The following RNF39 variants were observed in gnomAD, a reference collection of about 807,000 sequenced individuals.
The protein encoded by RNF39 is ring finger protein 39.
A neutral mutation model predicts 29.2 loss-of-function variants in RNF39; 25 were observed. The observed-to-expected ratio is 0.86, with a 90% CI of 0.62 to 1.20. The LOEUF is 1.20. RNF39 is among the 50% of genes most tolerant of loss of function. The pLI, the probability that RNF39 is intolerant of heterozygous loss-of-function variation, is 0.00. For missense variants in RNF39, 519 were observed against 515.0 expected (o/e 1.01, Z -0.08); for synonymous variants, 219 against 229.0 (o/e 0.96, Z 0.40).
chr6:30,071,256 C>G lies in RNF39; in HGVS notation c.914G>C (p.Arg305Pro), dbSNP rs779425781. The change falls in exon 4 of 4, where the codon CGG (arginine) becomes CCG (proline). Residue 305 changes from arginine to proline, a missense_variant. Coordinates refer to ENST00000244360, the MANE Select transcript of RNF39 (RefSeq NM_025236.4). The surrounding 1 kb of genome is among the most constrained non-coding windows in gnomAD (Gnocchi z 5.0). ...RRIRVDLDWERGRVAFYDGRS... is the reference protein window; with the variant it reads ...RRIRVDLDWEPGRVAFYDGRS... ...GCCGTCGTAGAAGGCCACGCGGCCC[C>G]GCTCCCAGTCCAGGTCCACGCGAAT... The G allele has an allele frequency of 2.0e-6, 3 of 1,511,800 alleles. No individual in the cohort carries two copies. Among genetic ancestry groups the G allele is most frequent in the Admixed American group, 2.3e-5 (1 of 43,628 alleles). 93.6% of individuals were successfully genotyped at this position (1,511,800 alleles called of 1,614,324 possible). A position where few individuals can be genotyped will look rare whatever the true frequency, so the allele number is the denominator to read the frequency against.
Position 30,070,430 on chromosome 6 carries a change from A to G in RNF39, c.*681T>C. The G allele has an allele frequency of 5.0e-6, 1 of 201,720 alleles. No individual in the cohort carries two copies. The highest frequency in any genetic ancestry group is 1.0e-5 in the Non-Finnish European group (1 of 97,596). The allele number at this position is 201,720 out of a possible 1,614,324, so 12.5% of individuals were successfully genotyped here. On this transcript the variant is annotated 3_prime_UTR_variant, in exon 4 of 4. Transcript: ENST00000244360. ...TGTCTGAAGTATTCCCAGGTTGAGGAGGAGAGAGGGGAAATAGCACCATTG... is the reference window on the plus strand; with the variant it reads ...TGTCTGAAGTATTCCCAGGTTGAGGGGGAGAGAGGGGAAATAGCACCATTG...
At chr6:30,073,899 T>A (rs1766197399) in intron 1 of RNF39, among the ~76,000 whole-genome samples, 1 of 152,134 alleles carries the variant, frequency 6.6e-6, no homozygotes, top group Non-Finnish European at 1.5e-5. Context: ...CAGAAAAACA[T>A]CTGTCCCTTC....
In RNF39 at chr6:30,071,267, C is replaced by T. The variant is rs1010175349; in HGVS notation, c.903G>A (p.Leu301=). 4 of 1,508,582 alleles carry T rather than the reference C, an allele frequency of 2.7e-6. No individual in the cohort carries two copies. Among genetic ancestry groups the T allele is most frequent in the Non-Finnish European group, 2.7e-6 (3 of 1,131,238 alleles). 93.4% of individuals were successfully genotyped at this position (1,508,582 alleles called of 1,614,324 possible). The change falls in exon 4 of 4, where the codon CTG becomes CTA. Residue 301 remains leucine (L), a synonymous_variant. Coordinates refer to ENST00000244360, the MANE Select transcript of RNF39 (RefSeq NM_025236.4). This position sits in a 1 kb window ranked among gnomAD's most constrained non-coding sequence, Gnocchi z 5.0. Reference sequence around the variant, plus strand: ...AGGCCACGCGGCCCCGCTCCCAGTCCAGGTCCACGCGAATGCGCCGCGGCG... The same window carrying T: ...AGGCCACGCGGCCCCGCTCCCAGTCTAGGTCCACGCGAATGCGCCGCGGCG... ...EPPPRRIRVD[L]DWERGRVAFY...
rs1468414757 is a variant in RNF39, at chr6:30,074,438, G to A, written c.363+785C>T. 6.6e-6 allele frequency among the ~76,000 whole-genome samples: 1 copy of A among 152,076 alleles called. No individual in the cohort carries two copies. Among genetic ancestry groups the A allele is most frequent in the South Asian group, 2.1e-4 (1 of 4,826 alleles). On this transcript the variant is annotated intron_variant, in intron 1 of 3. Transcript: ENST00000244360. The surrounding 1 kb of genome is among the most constrained non-coding windows in gnomAD (Gnocchi z 4.1). ...GGGCCCAGGAGAGGCGCGGGGGGTA[G>A]ATGGGTGGTAAGACTGGGATGTGGA... is the stretch of plus-strand genomic sequence containing the variant.
rs1476715144 is a variant in RNF39, at chr6:30,075,264, C to T, written c.322G>A (p.Gly108Arg). ...AGGCAGCCCATGGTGGGGATGCGCC[C>T]CCCTCGGCGTCTCCCCGCACGGGCC... is the stretch of plus-strand genomic sequence containing the variant. ...PGARAGRRRGGRIPTMGCLDL... is the reference protein window; with the variant it reads ...PGARAGRRRGRRIPTMGCLDL... Residue 108 changes from glycine to arginine, a missense_variant, in exon 1 of 4, where the codon GGG (glycine) becomes AGG (arginine). Physicochemically the swap from Gly to Arg is moderately radical, Grantham distance 125 (BLOSUM62 -2). Transcript: ENST00000244360. 5.0e-6 allele frequency: 8 copies of T among 1,599,238 alleles called. No homozygotes were observed. Among genetic ancestry groups the T allele is most frequent in the Admixed American group, 1.7e-5 (1 of 59,382 alleles).
intron 1 of RNF39, 68 bp downstream of exon 1, chr6:30,075,155 G>T (rs1582401035): frequency 5.5e-6 from 8 of 1,452,282 alleles, no homozygotes; most frequent in Non-Finnish European, 7.3e-6. Context: ...CTCCAGACGT[G>T]CCATTCCCGG....
rs1403143791 is a variant in RNF39, at chr6:30,075,389, C to T, written c.197G>A (p.Cys66Tyr). 1 of 1,566,832 alleles carries T rather than the reference C, an allele frequency of 6.4e-7. No individual in the cohort carries two copies. Among genetic ancestry groups the T allele is most frequent in the Non-Finnish European group, 8.6e-7 (1 of 1,159,712 alleles). The change falls in exon 1 of 4, where the codon TGC (cysteine) becomes TAC (tyrosine). Residue 66 changes from cysteine to tyrosine, a missense_variant. Cys to Tyr is a radical substitution (Grantham distance 194). Transcript: ENST00000244360. ...TEASPTACPC[C>Y]GLPCPRRSLR... ...GCTGCGGCGGGGACACGGCAGGCCG[C>T]AGCAGGGACAGGCGGTGGGGGAAGC...
In RNF39 at chr6:30,071,263, A is replaced by G; in HGVS notation, c.907T>C (p.Trp303Arg). 1 of 1,508,856 alleles carries G rather than the reference A, an allele frequency of 6.6e-7. No individual in the cohort carries two copies. 93.5% of individuals were successfully genotyped at this position (1,508,856 alleles called of 1,614,324 possible). The change falls in exon 4 of 4, where the codon TGG becomes CGG. Residue 303 changes from tryptophan (W) to arginine (R), a missense_variant. Coordinates refer to ENST00000244360, the MANE Select transcript of RNF39 (RefSeq NM_025236.4). This position sits in a 1 kb window ranked among gnomAD's most constrained non-coding sequence, Gnocchi z 5.0. ...PPRRIRVDLD[W>R]ERGRVAFYDG... ...TAGAAGGCCACGCGGCCCCGCTCCC[A>G]GTCCAGGTCCACGCGAATGCGCCGC...
In RNF39 at chr6:30,075,224, T is replaced by A; in HGVS notation, c.362A>T (p.Glu121Val). 1 of 1,585,668 alleles carries A rather than the reference T, an allele frequency of 6.3e-7. No individual in the cohort carries two copies. Among genetic ancestry groups the A allele is most frequent in the Non-Finnish European group, 8.5e-7 (1 of 1,172,922 alleles). Residue 121 changes from glutamate to valine, a missense_variant and splice_region_variant, in exon 1 of 4, where the codon GAG becomes GTG. Physicochemically the swap from Glu to Val is moderately radical, Grantham distance 121 (BLOSUM62 -2). Transcript: ENST00000244360. ...PTMGCLDLPGEDMRKTWRRFE... is the reference protein window; with the variant it reads ...PTMGCLDLPGVDMRKTWRRFE... Reference sequence around the variant, plus strand: ...TCCGCGACGCGCGCCCAGCCTCACCTCTCCGGGCAGGTCCAGGCAGCCCAT... The same window carrying A: ...TCCGCGACGCGCGCCCAGCCTCACCACTCCGGGCAGGTCCAGGCAGCCCAT...
chr6:30,071,596 G>A lies in RNF39; in HGVS notation c.574C>T (p.Pro192Ser). ...VQLAPPGTPA[P>S]PDGPKRFDQL... ...TCGAAGCGCTTGGGGCCGTCAGGGG[G>A]CGCGGGCGTCCCTGGTGGGGCCAGT... The change falls in exon 4 of 4, where the codon CCC (proline) becomes TCC (serine). Residue 192 changes from proline (P) to serine (S), a missense_variant. By Grantham distance (74) the Pro-to-Ser change is moderately conservative. Transcript: ENST00000244360. This position sits in a 1 kb window ranked among gnomAD's most constrained non-coding sequence, Gnocchi z 5.0. 1 of 1,466,956 alleles carries A rather than the reference G, an allele frequency of 6.8e-7. No individual in the cohort carries two copies. Among genetic ancestry groups the A allele is most frequent in the Non-Finnish European group, 9.0e-7 (1 of 1,116,410 alleles). The allele number at this position is 1,466,956 out of a possible 1,614,324, so 90.9% of individuals were successfully genotyped here. A position where few individuals can be genotyped will look rare whatever the true frequency, so the allele number is the denominator to read the frequency against.
rs1326175460 is a variant in RNF39, at chr6:30,071,628, C to T, written c.542G>A (p.Ser181Asn). The change falls in exon 4 of 4, where the codon AGC becomes AAC. Residue 181 changes from serine (S) to asparagine (N), a missense_variant. Ser to Asn is a conservative substitution (Grantham distance 46, BLOSUM62 1). Coordinates refer to ENST00000244360, the MANE Select transcript of RNF39 (RefSeq NM_025236.4). This position sits in a 1 kb window ranked among gnomAD's most constrained non-coding sequence, Gnocchi z 5.0. ...CGTCCCTGGTGGGGCCAGTTGTACG[C>T]TGCGGCGGTCGGCGGAGATGAGCAG... is the stretch of plus-strand genomic sequence containing the variant. ...RRLLISADRR[S>N]VQLAPPGTPA... 6.9e-7 allele frequency: 1 copy of T among 1,440,390 alleles called. No homozygotes were observed. Among genetic ancestry groups the T allele is most frequent in the Non-Finnish European group, 9.1e-7 (1 of 1,103,464 alleles). 89.2% of individuals were successfully genotyped at this position (1,440,390 alleles called of 1,614,324 possible).
In RNF39 at chr6:30,071,699, C is replaced by A; in HGVS notation, c.479-8G>T. 7.1e-7 allele frequency: 1 copy of A among 1,399,754 alleles called. No individual in the cohort carries two copies. The highest frequency in any genetic ancestry group is 9.2e-7 in the Non-Finnish European group (1 of 1,082,694). 86.7% of individuals were successfully genotyped at this position (1,399,754 alleles called of 1,614,324 possible). ...GGTCCAGGGTCAGGTCGGCTGGAGACGGGGAGGCAGGGAGAGGACCTCATG... is the reference window on the plus strand; with the variant it reads ...GGTCCAGGGTCAGGTCGGCTGGAGAAGGGGAGGCAGGGAGAGGACCTCATG... On this transcript the variant is annotated splice_polypyrimidine_tract_variant and splice_region_variant and intron_variant, in intron 3 of 3. Transcript: ENST00000244360. The surrounding 1 kb of genome is among the most constrained non-coding windows in gnomAD (Gnocchi z 5.0).
At position 30,071,382 on chromosome 6, in the gene RNF39, G is replaced by A; in HGVS notation, c.788C>T (p.Ala263Val). 2.0e-6 allele frequency: 3 copies of A among 1,470,246 alleles called. No homozygotes were observed. The highest frequency in any genetic ancestry group is 2.7e-6 in the Non-Finnish European group (3 of 1,119,886). 91.1% of individuals were successfully genotyped at this position (1,470,246 alleles called of 1,614,324 possible). A position where few individuals can be genotyped will look rare whatever the true frequency, so the allele number is the denominator to read the frequency against. ...QRKGCVRLCP[A>V]GAVWAVEGRG... Reference sequence around the variant, plus strand: ...GCCCTCCACGGCCCACACGGCCCCCGCAGGGCACAGCCTTACGCAGCCCTT... The same window carrying A: ...GCCCTCCACGGCCCACACGGCCCCCACAGGGCACAGCCTTACGCAGCCCTT... The change falls in exon 4 of 4, where the codon GCG (alanine) becomes GTG (valine). Residue 263 changes from alanine to valine, a missense_variant. Coordinates refer to ENST00000244360, the MANE Select transcript of RNF39 (RefSeq NM_025236.4). The surrounding 1 kb of genome is among the most constrained non-coding windows in gnomAD (Gnocchi z 5.0).
At chr6:30,073,398 G>C in intron 2 of RNF39, 58 bp downstream of exon 2, 1 of 1,610,324 alleles carries the variant, frequency 6.2e-7, no homozygotes, top group Non-Finnish European at 8.5e-7. Flanking sequence ...GGCCCAGTGA[G>C]AACGTGATGG....
intron 1 of RNF39, 89 bp downstream of exon 1, chr6:30,075,134 A>G: frequency 7.4e-7 from 1 of 1,352,182 alleles, no homozygotes; most frequent in Non-Finnish European, 9.9e-7. Flanking sequence ...AAACTTCCAC[A>G]GGGCCTCCGG....
Position 30,074,797 on chromosome 6 carries a change from C to T in RNF39, c.363+426G>A, listed in dbSNP as rs983539911. On this transcript the variant is annotated intron_variant, in intron 1 of 3. Transcript: ENST00000244360. This position sits in a 1 kb window ranked among gnomAD's most constrained non-coding sequence, Gnocchi z 4.1. ...GACCCCTCCTCACCCTCAGCTGGGT[C>T]GGCTCTCCCTTCCGCCCGCCGCTCC... Among the ~76,000 whole-genome samples, 1 of 151,888 alleles carries T rather than the reference C, an allele frequency of 6.6e-6. No individual in the cohort carries two copies. The highest frequency in any genetic ancestry group is 1.5e-5 in the Non-Finnish European group (1 of 67,950).
chr6:30,073,245 A>C lies in RNF39; in HGVS notation c.390T>G (p.Phe130Leu), dbSNP rs1458077833. Residue 130 changes from phenylalanine (F) to leucine (L), a missense_variant, in exon 3 of 4, where the codon TTT (phenylalanine) becomes TTG (leucine). Transcript: ENST00000244360. ...GEDMRKTWRR[F>L]EVPTSKSSNS... is the part of the protein sequence containing the mutation. ...TAGATGACTTGGATGTTGGGACTTC[A>C]AATCTACACAGATGAGGGGAAGGGT... The C allele has an allele frequency of 1.9e-6, 3 of 1,605,828 alleles. No homozygotes were observed. The South Asian group carries it at 3.3e-5, about 18-fold the overall frequency.
rs553474981 is a variant in RNF39, at chr6:30,075,229, G to C, written c.357C>G (p.Pro119=). 3.1e-6 allele frequency: 5 copies of C among 1,589,770 alleles called. No homozygotes were observed. In the African/African-American group the frequency reaches 5.4e-5, roughly 17 times the overall value. Residue 119 remains proline (P), a synonymous_variant, in exon 1 of 4, where the codon CCC becomes CCG. Coordinates refer to ENST00000244360, the MANE Select transcript of RNF39 (RefSeq NM_025236.4). ...RIPTMGCLDL[P]GEDMRKTWRR... ...GACGCGCGCCCAGCCTCACCTCTCC[G>C]GGCAGGTCCAGGCAGCCCATGGTGG...
Position 30,071,597 on chromosome 6 carries a change from C to A in RNF39, c.573G>T (p.Ala191=), listed in dbSNP as rs771838289. The stretch of plus-strand genomic sequence containing the variant: ...CGAAGCGCTTGGGGCCGTCAGGGGG[C>A]GCGGGCGTCCCTGGTGGGGCCAGTT... ...SVQLAPPGTP[A]PPDGPKRFDQ... Residue 191 remains alanine, a synonymous_variant, in exon 4 of 4, where the codon GCG becomes GCT. Coordinates refer to ENST00000244360, the MANE Select transcript of RNF39 (RefSeq NM_025236.4). This position sits in a 1 kb window ranked among gnomAD's most constrained non-coding sequence, Gnocchi z 5.0. 4.8e-6 allele frequency: 7 copies of A among 1,463,824 alleles called. No homozygotes were observed. The highest frequency in any genetic ancestry group is 4.5e-6 in the Non-Finnish European group (5 of 1,114,888). 90.7% of individuals were successfully genotyped at this position (1,463,824 alleles called of 1,614,324 possible).
Sources: allele counts gnomAD v4.1 joint callset (sites outside exome capture counted in the v4.1 genomes callset), GRCh38; gene constraint gnomAD v4.1.1; non-coding constraint Gnocchi (gnomAD v3.1); transcripts MANE v1.5; gene names NCBI Gene and HGNC (gene_info 2026-07-23, HGNC 2026-07-21).